Variants in LAMC2 observed in about 807,000 individuals in gnomAD.
The protein encoded by LAMC2 is laminin subunit gamma-2.
Under a neutral mutation model 140.2 loss-of-function variants are expected in LAMC2, and 97 were observed. The ratio of observed to expected loss-of-function variants is 0.69; its 90% CI spans 0.59 to 0.82. The LOEUF (loss-of-function observed/expected upper bound fraction) is 0.82. Ranked by LOEUF, LAMC2 falls within the 40% of genes least tolerant of loss-of-function variation. LAMC2 has a pLI of 0.00. For synonymous variants in LAMC2, 513 were observed against 540.2 expected (o/e 0.95, Z 0.70); for missense variants, 1,402 against 1,476.1 (o/e 0.95, Z 0.82).
Position 183,230,946 on chromosome 1 carries a change from G to A in LAMC2, c.1715-15G>A. Reference sequence around the variant, plus strand: ...CTAGTTTGATGTGAATGCTCCATTTGTCTTTTGTCTCTAGCTTGCAACTGT... The same window carrying A: ...CTAGTTTGATGTGAATGCTCCATTTATCTTTTGTCTCTAGCTTGCAACTGT... On this transcript the variant is annotated splice_polypyrimidine_tract_variant and intron_variant, in intron 11 of 22. Coordinates refer to ENST00000264144, the MANE Select transcript of LAMC2 (RefSeq NM_005562.3). The A allele has an allele frequency of 6.2e-7, 1 of 1,614,084 alleles. No individual in the cohort carries two copies. The highest frequency in any genetic ancestry group is 8.5e-7 in the Non-Finnish European group (1 of 1,179,976).
intron 14 of LAMC2, among the ~76,000 whole-genome samples, chr1:183,233,589 C>A (rs1659859710): frequency 6.6e-6 from 1 of 152,042 alleles, no homozygotes; most frequent in South Asian, 2.1e-4. Context: ...TGATTGTTTC[C>A]TTTATTACAG....
chr1:183,223,433 G>A (rs1659535185), intron 7 of LAMC2, 109 bp downstream of exon 7: 2 of 1,082,648 alleles, frequency 1.8e-6, no homozygotes, highest in African/African-American at 3.1e-5. Flanking sequence ...GCCTTTCTGA[G>A]CACCTTTTAC....
chr1:183,234,330 AAC>A, intron 14 of LAMC2, 35 bp from the exon 15 acceptor site: 1 of 1,545,532 alleles, frequency 6.5e-7, no homozygotes, highest in Non-Finnish European at 8.9e-7. Flanking sequence ...GCAAAGCCTT[AAC>A]CGATTCGCCT....
At position 183,244,466 on chromosome 1, in the gene LAMC2, G is replaced by A; in HGVS notation, c.*1066G>A. ...ATTGAGTACCTACTGTGTGCCAGGG[G>A]CTGGTGGGACAGTGGTGACATAGTC... On this transcript the variant is annotated 3_prime_UTR_variant, in exon 23 of 23. Transcript: ENST00000264144. 6.6e-6 allele frequency: 1 copy of A among 152,386 alleles called. No homozygotes were observed. The highest frequency in any genetic ancestry group is 1.9e-4 in the East Asian group (1 of 5,202). The allele number at this position is 152,386 out of a possible 1,614,324, so 9.4% of individuals were successfully genotyped here.
intron 1 of LAMC2, among the ~76,000 whole-genome samples, chr1:183,203,739 C>T (rs1156294676): frequency 6.6e-6 from 1 of 152,024 alleles, no homozygotes; most frequent in Non-Finnish European, 1.5e-5. Context: ...GTCCTGCAGG[C>T]AAGGCTGTAG....
intron 8 of LAMC2, among the ~76,000 whole-genome samples, chr1:183,225,942 T>C (rs1373273741): frequency 6.6e-6 from 1 of 152,168 alleles, no homozygotes; most frequent in African/African-American, 2.4e-5. Context: ...GAGTAAATGA[T>C]GCTGTCTTGC....
At chr1:183,204,615 G>T (rs1441344901) in intron 1 of LAMC2, among the ~76,000 whole-genome samples, 3 of 152,006 alleles carry the variant, frequency 2.0e-5, no homozygotes, top group Admixed American at 2.0e-4. Flanking sequence ...CTGGACAACA[G>T]AGTGAGATCC....
intron 22 of LAMC2, 58 bp from the exon 23 acceptor site, chr1:183,243,089 T>C: frequency 6.2e-7 from 1 of 1,605,102 alleles, no homozygotes; most frequent in Non-Finnish European, 8.5e-7. Context: ...GCACGGGTGT[T>C]CAAGGAGATC....
chr1:183,241,251 A>G, intron 22 of LAMC2: 2 of 973,270 alleles, frequency 2.1e-6, no homozygotes, highest in Non-Finnish European at 2.4e-6. Context: ...GTCTCAAAAA[A>G]AAAAAAAAAA....
intron 2 of LAMC2, among the ~76,000 whole-genome samples, chr1:183,215,160 ATGGACT>A (rs1558087343): frequency 6.6e-6 from 1 of 152,166 alleles, no homozygotes; most frequent in Non-Finnish European, 1.5e-5. Flanking sequence ...TAAAGATTTG[ATGGACT>A]TCTTTTAAAA....
chr1:183,239,237 C>T lies in LAMC2; in HGVS notation c.2870-127C>T, dbSNP rs75765069. 1.4e-3 allele frequency: 1,229 copies of T among 877,324 alleles called. 23 individuals are homozygous for T. The East Asian group carries it at 0.028, about 20-fold the overall frequency. The allele number at this position is 877,324 out of a possible 1,614,324, so 54.3% of individuals were successfully genotyped here. On this transcript the variant is annotated intron_variant, in intron 19 of 22. Transcript: ENST00000264144. ...AGAAAGTTAATTCCAGCCGTAACTT[C>T]CCACACCGTCATCCCCAGTCAGTAA...
intron 4 of LAMC2, among the ~76,000 whole-genome samples, 167 bp downstream of exon 4, chr1:183,218,655 AAAACACAC>A (rs1433534770): frequency 5.6e-4 from 86 of 152,310 alleles, no homozygotes; most frequent in African/African-American, 2.0e-3. Flanking sequence ...AACAACAGCA[AAAACACAC>A]ACACACACTG....
At chr1:183,211,607 C>A (rs967431995) in intron 2 of LAMC2, among the ~76,000 whole-genome samples, 2 of 152,136 alleles carry the variant, frequency 1.3e-5, no homozygotes, top group Non-Finnish European at 2.9e-5. Context: ...AACTCCTGGG[C>A]TCAAGCAGTC....
At chr1:183,249,341 TC>T (rs1237176848), downstream of LAMC2, 1 of 152,176 alleles carries the variant, frequency 6.6e-6, no homozygotes, top group Non-Finnish European at 1.5e-5. Flanking sequence ...AAAAGGGTTT[TC>T]CTTCTGCCTG....
At position 183,232,692 on chromosome 1, in the gene LAMC2, G is replaced by A. The variant is rs140057433; in HGVS notation, c.2055G>A (p.Arg685=). The change falls in exon 14 of 23, where the codon AGG becomes AGA. Residue 685 remains arginine, a synonymous_variant. Transcript: ENST00000264144. ...TTGGTCTCCAGTTGGCCAAGGTGAG[G>A]AGCCAAGAGAACAGCTACCAGAGCC... ...RSLGLQLAKV[R]SQENSYQSRL... is the part of the protein sequence containing the mutation. 1.2e-5 allele frequency: 19 copies of A among 1,613,546 alleles called. No individual in the cohort carries two copies. In the African/African-American group the frequency reaches 1.9e-4, roughly 16 times the overall value.
At chr1:183,239,265 A>C in intron 19 of LAMC2, 99 bp from the exon 20 acceptor site, 1 of 1,073,988 alleles carries the variant, frequency 9.3e-7, no homozygotes, top group Non-Finnish European at 1.5e-6. Context: ...GTCAGTAATA[A>C]CACTCTTTCA....
In LAMC2 at chr1:183,232,787, G is replaced by A. The variant is rs62640911; in HGVS notation, c.2150G>A (p.Arg717Gln). Residue 717 changes from arginine to glutamine, a missense_variant, in exon 14 of 23, where the codon CGG becomes CAG. Transcript: ENST00000264144. ...GGAAGTCAGTACCAGAACCGAGTTC[G>A]GGATACTCACAGGCTCATCACTCAG... ...ALGSQYQNRV[R>Q]DTHRLITQMQ... The A allele has an allele frequency of 4.5e-4, 729 of 1,614,078 alleles. 3 individuals are homozygous for A. The African/African-American group carries it at 7.3e-3, about 16-fold the overall frequency.
intron 6 of LAMC2, among the ~76,000 whole-genome samples, 164 bp downstream of exon 6, chr1:183,222,375 T>C (rs550970964): frequency 6.6e-6 from 1 of 152,200 alleles, no homozygotes; most frequent in Admixed American, 6.5e-5. Context: ...TAAGCCTGAT[T>C]TGAGAGTCAC....
At chr1:183,212,435 T>G (rs1324257883) in intron 2 of LAMC2, among the ~76,000 whole-genome samples, 1 of 152,110 alleles carries the variant, frequency 6.6e-6, no homozygotes, top group Non-Finnish European at 1.5e-5. Flanking sequence ...AAAACCTTCC[T>G]TCTCTCCTCC....
Sources: allele counts gnomAD v4.1 joint callset (sites outside exome capture counted in the v4.1 genomes callset), GRCh38; gene constraint gnomAD v4.1.1; transcripts MANE v1.5; gene names NCBI Gene and HGNC (gene_info 2026-07-23, HGNC 2026-07-21).